Variants in SSH2 observed in about 807,000 individuals in gnomAD.
The protein encoded by SSH2 is protein phosphatase Slingshot homolog 2.
In SSH2, 37 loss-of-function variants were observed where a neutral mutation model predicts 135.2. The ratio of observed to expected loss-of-function variants is 0.27; its 90% CI spans 0.21 to 0.36. SSH2 has a LOEUF of 0.36. Ranked by LOEUF, SSH2 falls within the 10% of genes least tolerant of loss-of-function variation. The pLI is 1.00. For synonymous variants in SSH2, 628 were observed against 646.2 expected (o/e 0.97, Z 0.43); for missense variants, 1,408 against 1,765.3 (o/e 0.80, Z 3.63).
At chr17:29,802,863 T>C (rs2042275479) in intron 2 of SSH2, among the ~76,000 whole-genome samples, 1 of 152,138 alleles carries the variant, frequency 6.6e-6, no homozygotes, top group Admixed American at 6.5e-5. Context: ...TCAGAAAAGA[T>C]GGTTATGAAT....
chr17:29,706,473 C>G (rs763137858), intron 3 of SSH2, among the ~76,000 whole-genome samples: 5 of 152,254 alleles, frequency 3.3e-5, no homozygotes, highest in Non-Finnish European at 7.4e-5. Context: ...GTTGCACAAG[C>G]CTTCTCTCTT....
intron 1 of SSH2, among the ~76,000 whole-genome samples, chr17:29,855,545 T>C (rs2065648214): frequency 6.7e-6 from 1 of 148,864 alleles, no homozygotes. Context: ...CATCAAACAA[T>C]AAAATATATT....
At chr17:29,720,305 C>T (rs2039776567) in intron 3 of SSH2, among the ~76,000 whole-genome samples, 1 of 152,156 alleles carries the variant, frequency 6.6e-6, no homozygotes. Context: ...CAGTAACTCT[C>T]AAAATTAATT....
intron 1 of SSH2, among the ~76,000 whole-genome samples, chr17:29,890,081 C>T (rs1431889661): frequency 6.6e-6 from 1 of 152,086 alleles, no homozygotes. Context: ...CATCATTAGC[C>T]ACTAGGGAAA....
Position 29,930,162 on chromosome 17 carries a change from C to T in SSH2, c.-162G>A. On this transcript the variant is annotated 5_prime_UTR_variant, in exon 1 of 16. Transcript: ENST00000540801. ...CGGCCGCAGACTCCGCACCCACCACCAGACTGTCGCCGACTGACGCTCCGA... is the reference window on the plus strand; with the variant it reads ...CGGCCGCAGACTCCGCACCCACCACTAGACTGTCGCCGACTGACGCTCCGA... The T allele has an allele frequency of 1.5e-6, 1 of 646,236 alleles. No homozygotes were observed. The highest frequency in any genetic ancestry group is 2.0e-5 in the South Asian group (1 of 50,072). 40.0% of individuals were successfully genotyped at this position (646,236 alleles called of 1,614,324 possible).
chr17:29,795,260 A>G (rs913955171), intron 2 of SSH2, among the ~76,000 whole-genome samples: 9 of 152,256 alleles, frequency 5.9e-5, no homozygotes, highest in African/African-American at 2.2e-4. Flanking sequence ...AACAAGGATA[A>G]GCTAATCTGA....
intron 1 of SSH2, among the ~76,000 whole-genome samples, chr17:29,854,352 G>A (rs1184203744): frequency 6.6e-6 from 1 of 151,586 alleles, no homozygotes; most frequent in African/African-American, 2.4e-5. Flanking sequence ...ACAGTTTTTT[G>A]CTTTTTATGG....
intron 3 of SSH2, among the ~76,000 whole-genome samples, chr17:29,792,070 G>T (rs761929420): frequency 3.3e-5 from 5 of 151,622 alleles, no homozygotes; most frequent in Non-Finnish European, 7.4e-5. Context: ...TTACAGGCAT[G>T]CACCACCATG....
At chr17:29,696,168 T>TAC (rs1456390550) in intron 4 of SSH2, among the ~76,000 whole-genome samples, 3 of 116,070 alleles carry the variant, frequency 2.6e-5, no homozygotes, top group African/African-American at 9.6e-5. Context: ...AGAGTATGTA[T>TAC]ATATATACAC....
chr17:29,685,284 A>C (rs763951724), intron 5 of SSH2, among the ~76,000 whole-genome samples: 39 of 152,232 alleles, frequency 2.6e-4, no homozygotes, highest in Admixed American at 3.9e-4. Flanking sequence ...AAGGACCCTC[A>C]GAAAATCTGA....
intron 3 of SSH2, among the ~76,000 whole-genome samples, chr17:29,730,750 T>G (rs1181558135): frequency 6.6e-6 from 1 of 152,146 alleles, no homozygotes; most frequent in African/African-American, 2.4e-5. Flanking sequence ...AATGTGATTA[T>G]TACACATTGC....
chr17:29,901,170 C>T (rs544841729), intron 1 of SSH2, among the ~76,000 whole-genome samples: 1 of 151,976 alleles, frequency 6.6e-6, no homozygotes, highest in Non-Finnish European at 1.5e-5. Flanking sequence ...AGGAGATATA[C>T]CTAATGTAAA....
intron 3 of SSH2, among the ~76,000 whole-genome samples, chr17:29,720,230 A>C (rs1160163162): frequency 2.0e-5 from 3 of 152,202 alleles, no homozygotes; most frequent in African/African-American, 7.2e-5. Context: ...ATACTAGAAC[A>C]CCAAGGAATT....
At chr17:29,857,680 C>T (rs2065687486) in intron 1 of SSH2, among the ~76,000 whole-genome samples, 1 of 152,080 alleles carries the variant, frequency 6.6e-6, no homozygotes, top group Non-Finnish European at 1.5e-5. Context: ...GAGATGGGGT[C>T]TCACTATGTT....
chr17:29,777,084 C>T (rs2041719534), intron 3 of SSH2, among the ~76,000 whole-genome samples: 1 of 152,008 alleles, frequency 6.6e-6, no homozygotes, highest in African/African-American at 2.4e-5. Flanking sequence ...TGGTGGCGCA[C>T]ATGTGTAATC....
intron 4 of SSH2, among the ~76,000 whole-genome samples, chr17:29,701,359 G>T (rs1004367680): frequency 6.6e-6 from 1 of 150,848 alleles, no homozygotes; most frequent in Non-Finnish European, 1.5e-5. Flanking sequence ...CACCTGCCTC[G>T]GCCTCCCGAG....
At chr17:29,697,479 G>A (rs1192567025) in intron 4 of SSH2, among the ~76,000 whole-genome samples, 2 of 152,166 alleles carry the variant, frequency 1.3e-5, no homozygotes, top group Non-Finnish European at 2.9e-5. Flanking sequence ...TGGTCAGCAA[G>A]TCTGAAAGCC....
chr17:29,926,900 T>C (rs2067077764), intron 1 of SSH2, among the ~76,000 whole-genome samples: 1 of 152,184 alleles, frequency 6.6e-6, no homozygotes, highest in Admixed American at 6.5e-5. Flanking sequence ...GAGCCACCTA[T>C]TAGGCATACT....
chr17:29,638,438 C>T (rs2036006740), intron 14 of SSH2, among the ~76,000 whole-genome samples: 1 of 150,190 alleles, frequency 6.7e-6, no homozygotes, highest in African/African-American at 2.4e-5. Context: ...GGAACATCAC[C>T]AAACTGATAA....
Sources: gnomAD v4.1 joint callset for allele counts (sites outside exome capture counted in the v4.1 genomes callset) on GRCh38, gnomAD v4.1.1 for gene constraint, MANE v1.5 for transcripts, NCBI Gene and HGNC (gene_info 2026-07-23, HGNC 2026-07-21) for gene names.